PCED1B: variants seen among roughly 807,000 people sequenced by gnomAD.
PCED1B encodes PC-esterase domain-containing protein 1B.
For missense variants in PCED1B, 573 were observed against 573.9 expected (o/e 1.00, Z 0.02); for synonymous variants, 251 against 246.1 (o/e 1.02, Z -0.19).
chr12:47,128,342 AC>A (rs1939982119), intron 2 of PCED1B, among the ~76,000 whole-genome samples: 1 of 152,198 alleles, frequency 6.6e-6, no homozygotes, highest in Admixed American at 6.5e-5. Flanking sequence ...TGTTTGAGGA[AC>A]AAAAAATGGA....
chr12:47,232,336 G>A (rs748822010), intron 3 of PCED1B, among the ~76,000 whole-genome samples: 3 of 152,130 alleles, frequency 2.0e-5, no homozygotes, highest in Non-Finnish European at 2.9e-5. Context: ...AAAATTCTTT[G>A]TGGGGAAGAT....
intron 1 of PCED1B, among the ~76,000 whole-genome samples, chr12:47,100,025 A>C (rs184395602): frequency 2.6e-5 from 4 of 152,390 alleles, no homozygotes; most frequent in Admixed American, 2.6e-4. Flanking sequence ...ACTTGGAAAA[A>C]GGACCATTCT....
At chr12:47,108,609 T>A (rs1939057750) in intron 2 of PCED1B, among the ~76,000 whole-genome samples, 1 of 152,206 alleles carries the variant, frequency 6.6e-6, no homozygotes, top group Non-Finnish European at 1.5e-5. Flanking sequence ...TTCACATATT[T>A]ATTGGCCCTT....
At chr12:47,206,869 C>T (rs777803697) in intron 2 of PCED1B, among the ~76,000 whole-genome samples, 3 of 152,194 alleles carry the variant, frequency 2.0e-5, no homozygotes, top group Non-Finnish European at 2.9e-5. Flanking sequence ...CCACTCTGTG[C>T]TCTCAAATCC....
chr12:47,156,781 C>T (rs1032080603), intron 2 of PCED1B, among the ~76,000 whole-genome samples: 19 of 151,972 alleles, frequency 1.3e-4, no homozygotes, highest in African/African-American at 3.9e-4. Context: ...TAGTTGTCTG[C>T]GACAATTTTG....
chr12:47,086,787 C>T (rs1378179456), intron 1 of PCED1B, among the ~76,000 whole-genome samples: 2 of 152,102 alleles, frequency 1.3e-5, no homozygotes, highest in Non-Finnish European at 1.5e-5. Flanking sequence ...TTAATTTTGC[C>T]TCTCTGATAA....
intron 1 of PCED1B, among the ~76,000 whole-genome samples, chr12:47,090,256 A>G (rs73101415): frequency 0.21 from 32,349 of 152,002 alleles, 4,384 homozygotes; most frequent in Admixed American, 0.39. Flanking sequence ...ATGGACAACG[A>G]ACAGAGAACT....
chr12:47,125,717 G>T (rs1581559), intron 2 of PCED1B, among the ~76,000 whole-genome samples: 12,576 of 151,936 alleles, frequency 0.083, 852 homozygotes, highest in African/African-American at 0.19. Context: ...ACAAGCCTTG[G>T]ACAGCTTTTG....
chr12:47,183,811 T>C (rs1942170230), intron 2 of PCED1B, among the ~76,000 whole-genome samples: 1 of 152,220 alleles, frequency 6.6e-6, no homozygotes, highest in African/African-American at 2.4e-5. Context: ...CTTTTTTTTA[T>C]GTTTTAATAG....
At chr12:47,126,069 C>G (rs1001536733) in intron 2 of PCED1B, among the ~76,000 whole-genome samples, 3 of 151,958 alleles carry the variant, frequency 2.0e-5, no homozygotes, top group Non-Finnish European at 4.4e-5. Flanking sequence ...AGTGAACTGT[C>G]TTGCCTTGTC....
intron 3 of PCED1B, among the ~76,000 whole-genome samples, chr12:47,220,990 A>G (rs1457686970): frequency 6.6e-6 from 1 of 152,202 alleles, no homozygotes; most frequent in Non-Finnish European, 1.5e-5. Context: ...AGAAGAAAGG[A>G]TCATATCCCA....
chr12:47,144,349 G>T (rs1271062575), intron 2 of PCED1B, among the ~76,000 whole-genome samples: 1 of 152,170 alleles, frequency 6.6e-6, no homozygotes, highest in East Asian at 1.9e-4. Context: ...AGGAGGGACA[G>T]CCTCAAGGAT....
At chr12:47,141,072 G>A (rs1940572447) in intron 2 of PCED1B, among the ~76,000 whole-genome samples, 1 of 152,170 alleles carries the variant, frequency 6.6e-6, no homozygotes, top group Non-Finnish European at 1.5e-5. Context: ...CATTTCAGCT[G>A]TGCAAGCAGC....
In PCED1B at chr12:47,118,781, C is replaced by A. The variant is rs372919047; in HGVS notation, c.-526+14586C>A. ...CATTGAATCTATAAATTACCTTGGGCAGTATGGCCATTTTCACGATATTGA... is the reference window on the plus strand; with the variant it reads ...CATTGAATCTATAAATTACCTTGGGAAGTATGGCCATTTTCACGATATTGA... On this transcript the variant is annotated intron_variant, in intron 2 of 3. Coordinates refer to ENST00000546455, the MANE Select transcript of PCED1B (RefSeq NM_138371.3). Among the ~76,000 whole-genome samples, 90 of 152,192 alleles carry A rather than the reference C, an allele frequency of 5.9e-4. 1 individual carries two copies. Among genetic ancestry groups the A allele is most frequent in the African/African-American group, 2.1e-3 (88 of 41,524 alleles).
At chr12:47,081,693 A>G (rs532899128) in intron 1 of PCED1B, among the ~76,000 whole-genome samples, 1 of 152,332 alleles carries the variant, frequency 6.6e-6, no homozygotes, top group East Asian at 1.9e-4. Flanking sequence ...GTTAATACAG[A>G]GGAATAGAAT....
intron 2 of PCED1B, among the ~76,000 whole-genome samples, chr12:47,109,473 T>C (rs1250171729): frequency 6.6e-6 from 1 of 152,152 alleles, no homozygotes; most frequent in African/African-American, 2.4e-5. Context: ...TTGAGGATTC[T>C]GGGAAAAAGA....
At chr12:47,169,292 C>T (rs1478587431) in intron 2 of PCED1B, among the ~76,000 whole-genome samples, 1 of 152,184 alleles carries the variant, frequency 6.6e-6, no homozygotes. Flanking sequence ...CTCTCAACAT[C>T]CCTCCATCTT....
At chr12:47,124,784 T>C (rs1939820891) in intron 2 of PCED1B, among the ~76,000 whole-genome samples, 1 of 152,030 alleles carries the variant, frequency 6.6e-6, no homozygotes, top group Non-Finnish European at 1.5e-5. Flanking sequence ...ATAAGCAAAC[T>C]GTCATGTCCT....
intron 2 of PCED1B, among the ~76,000 whole-genome samples, chr12:47,115,908 G>T (rs1261894097): frequency 1.3e-5 from 2 of 152,110 alleles, no homozygotes; most frequent in Non-Finnish European, 2.9e-5. Context: ...TTGGTTTTTG[G>T]CATCTAAGGG....
Sources: gnomAD v4.1 joint callset for allele counts (sites outside exome capture counted in the v4.1 genomes callset) on GRCh38, gnomAD v4.1.1 for gene constraint, MANE v1.5 for transcripts, NCBI Gene and HGNC (gene_info 2026-07-23, HGNC 2026-07-21) for gene names.